Variants in ATG4B observed in about 807,000 individuals in gnomAD.
The protein encoded by ATG4B is cysteine protease ATG4B.
A neutral mutation model predicts 56.6 loss-of-function variants in ATG4B; 29 were observed. The observed-to-expected ratio is 0.51, with a 90% CI of 0.38 to 0.70. The LOEUF is 0.70. ATG4B is among the 30% of genes least tolerant of loss of function. The probability of loss-of-function intolerance (pLI) is 0.00; values close to 1 mark genes in which losing one functional copy is unlikely to be tolerated. For missense variants in ATG4B, 461 were observed against 515.5 expected, an observed-to-expected ratio of 0.89 and a Z score of 1.02; for synonymous variants, 224 against 206.1, an observed-to-expected ratio of 1.09 and a Z score of -0.74.
intron 12 of ATG4B, chr2:241,671,904 C>A: frequency 3.7e-6 from 5 of 1,348,112 alleles, no homozygotes; most frequent in Non-Finnish European, 4.8e-6. Context: ...GGCAATGGAA[C>A]CACTCCTGAT....
chr2:241,659,950 G>A (rs1279890499), intron 7 of ATG4B, among the ~76,000 whole-genome samples: 1 of 152,150 alleles, frequency 6.6e-6, no homozygotes, highest in African/African-American at 2.4e-5. Context: ...CCAGCACCTT[G>A]GGAGGCCGAG....
At chr2:241,647,003 C>G (rs1326792563) in intron 1 of ATG4B, among the ~76,000 whole-genome samples, 2 of 152,002 alleles carry the variant, frequency 1.3e-5, no homozygotes, top group Non-Finnish European at 2.9e-5. Flanking sequence ...AGGCTGGTCT[C>G]CAACTCCTGA....
chr2:241,652,556 T>G (rs1299047575), intron 3 of ATG4B, among the ~76,000 whole-genome samples: 1 of 152,186 alleles, frequency 6.6e-6, no homozygotes, highest in Non-Finnish European at 1.5e-5. Context: ...TAGATGGGGT[T>G]TCGCTATGTT....
At chr2:241,639,686 C>T (rs986596466) in intron 1 of ATG4B, among the ~76,000 whole-genome samples, 3 of 152,156 alleles carry the variant, frequency 2.0e-5, no homozygotes, top group African/African-American at 7.2e-5. Flanking sequence ...CGGGTGGTCT[C>T]CCTTGGTGTG....
intron 7 of ATG4B, chr2:241,659,581 A>G (rs1251188237): frequency 2.0e-5 from 7 of 345,464 alleles, no homozygotes; most frequent in Non-Finnish European, 4.0e-5. Flanking sequence ...GAGCAAAGGC[A>G]CGTCGTGAAG....
At chr2:241,666,543 G>C (rs1228911655) in intron 7 of ATG4B, 102 bp from the exon 8 acceptor site, 3 of 1,254,340 alleles carry the variant, frequency 2.4e-6, no homozygotes, top group Non-Finnish European at 3.4e-6. Context: ...ACCTGGCTTT[G>C]TACCGCCCTT....
chr2:241,662,560 T>A (rs777817430), intron 7 of ATG4B, among the ~76,000 whole-genome samples: 1 of 152,214 alleles, frequency 6.6e-6, no homozygotes, highest in Non-Finnish European at 1.5e-5. Context: ...ACACACTCAG[T>A]GCTGGGCTCT....
rs1041433323 is a variant in ATG4B at position 241,654,884 on chromosome 2, G to A, written c.385+237G>A. 41 of 580,902 alleles carry A rather than the reference G, an allele frequency of 7.1e-5. 1 individual carries two copies. Among genetic ancestry groups the A allele is most frequent in the Non-Finnish European group, 1.2e-4 (40 of 327,552 alleles). 36.0% of individuals were successfully genotyped at this position (580,902 alleles called of 1,614,324 possible). On this transcript the variant is annotated intron_variant, in intron 5 of 12. Coordinates refer to ENST00000404914, the MANE Select transcript of ATG4B (RefSeq NM_013325.5). ...GCCTTGCCCTTCCTGCTGTCCATGC[G>A]GCTTGCAGTGCCTGGTGCTCGGCAC...
chr2:241,670,108 G>A (rs772571558), intron 10 of ATG4B, among the ~76,000 whole-genome samples: 4 of 152,212 alleles, frequency 2.6e-5, no homozygotes, highest in Non-Finnish European at 4.4e-5. Flanking sequence ...CAGGGGAAGA[G>A]AGTGCCCAGT....
intron 7 of ATG4B, among the ~76,000 whole-genome samples, chr2:241,663,248 C>T (rs2068646416): frequency 6.6e-6 from 1 of 152,006 alleles, no homozygotes; most frequent in Non-Finnish European, 1.5e-5. Flanking sequence ...ACCAAAACAA[C>T]AAAAAATAAT....
Position 241,666,878 on chromosome 2 carries a change from C to T in ATG4B, c.732+40C>T, listed in dbSNP as rs780611694. On this transcript the variant is annotated intron_variant, in intron 8 of 12. Transcript: ENST00000404914. Reference sequence around the variant, plus strand: ...GCGGCGCTTGCCCTGAGTCCCCGTCCCCTTCTCCCAGTTCTTAGTCACTTT... The same window carrying T: ...GCGGCGCTTGCCCTGAGTCCCCGTCTCCTTCTCCCAGTTCTTAGTCACTTT... The T allele has an allele frequency of 3.9e-6, 6 of 1,528,046 alleles. No individual in the cohort carries two copies. In the African/African-American group the frequency reaches 8.3e-5, roughly 21 times the overall value. 94.7% of individuals were successfully genotyped at this position (1,528,046 alleles called of 1,614,324 possible). A position where few individuals can be genotyped will look rare whatever the true frequency, so the allele number is the denominator to read the frequency against.
intron 7 of ATG4B, among the ~76,000 whole-genome samples, chr2:241,665,235 A>G (rs1042740088): frequency 2.0e-5 from 3 of 152,230 alleles, no homozygotes; most frequent in Non-Finnish European, 4.4e-5. Context: ...CTCCACCTAG[A>G]TCCACCAATT....
rs186460507 is a variant in ATG4B at position 241,653,645 on chromosome 2, G to A, written c.283+35G>A. The A allele has an allele frequency of 1.9e-4, 287 of 1,545,866 alleles. 1 individual carries two copies. The Admixed American group carries it at 2.4e-3, about 13-fold the overall frequency. On this transcript the variant is annotated intron_variant, in intron 4 of 12. Coordinates refer to ENST00000404914, the MANE Select transcript of ATG4B (RefSeq NM_013325.5). ...AGCCCTGGGGAGGGCGCATGGCCAC[G>A]GTGTTCTCAGGAAGCAAAGGGGACT...
chr2:241,639,478 A>AG (rs1011688171), intron 1 of ATG4B, among the ~76,000 whole-genome samples: 1 of 152,222 alleles, frequency 6.6e-6, no homozygotes, highest in African/African-American at 2.4e-5. Flanking sequence ...TTGCCGGCAG[A>AG]GGGCCCAGGG....
chr2:241,653,648 G>A (rs1189900364), intron 4 of ATG4B, 38 bp downstream of exon 4: 2 of 1,545,376 alleles, frequency 1.3e-6, no homozygotes, highest in East Asian at 2.4e-5. Flanking sequence ...TGGCCACGGT[G>A]TTCTCAGGAA....
chr2:241,644,431 A>G (rs1040484782), intron 1 of ATG4B, among the ~76,000 whole-genome samples: 1 of 152,166 alleles, frequency 6.6e-6, no homozygotes, highest in African/African-American at 2.4e-5. Flanking sequence ...TTTTGCACCC[A>G]TTGTGGGTTC....
At chr2:241,671,924 G>T in intron 12 of ATG4B, 1 of 1,372,578 alleles carries the variant, frequency 7.3e-7, no homozygotes, top group Non-Finnish European at 9.4e-7. Context: ...TGACCACGAG[G>T]GTCAGACGCG....
intron 12 of ATG4B, 182 bp downstream of exon 12, chr2:241,671,587 C>G (rs1333151666): frequency 6.6e-7 from 1 of 1,518,676 alleles, no homozygotes; most frequent in African/African-American, 1.4e-5. Flanking sequence ...CAAGCTTGCG[C>G]CCAGCAGCCC....
rs943398163 is a variant in ATG4B, at chr2:241,671,414, T to C, written c.1108+9T>C. 5.6e-6 allele frequency: 9 copies of C among 1,613,334 alleles called. No individual in the cohort carries two copies. Among genetic ancestry groups the C allele is most frequent in the Non-Finnish European group, 7.6e-6 (9 of 1,179,738 alleles). On this transcript the variant is annotated intron_variant, in intron 12 of 12. Transcript: ENST00000404914. ...CCTGAACCTGTCCCTAGGTGAGAGC[T>C]GCCAAGTCCAGGTGGGGTCCCTCGG...
Sources: gnomAD v4.1 joint callset for allele counts (sites outside exome capture counted in the v4.1 genomes callset) on GRCh38, gnomAD v4.1.1 for gene constraint, MANE v1.5 for transcripts, NCBI Gene and HGNC (gene_info 2026-07-23, HGNC 2026-07-21) for gene names.